The following AGGF1 variants were observed in gnomAD, a reference collection of about 807,000 sequenced individuals.
The protein encoded by AGGF1 is angiogenic factor with G-patch and FHA domains 1.
Under a neutral mutation model 86.5 loss-of-function variants are expected in AGGF1, and 56 were observed. The observed-to-expected ratio is 0.65, with a 90% CI of 0.52 to 0.81. AGGF1 has a LOEUF of 0.81. Ranked by LOEUF, AGGF1 falls within the 30% of genes least tolerant of loss-of-function variation. The pLI is 0.00. For synonymous variants in AGGF1, 313 were observed against 297.1 expected (o/e 1.05, Z -0.55); for missense variants, 816 against 850.9 (o/e 0.96, Z 0.51).
chr5:77,055,035 T>C (rs1747436314), intron 10 of AGGF1, among the ~76,000 whole-genome samples: 1 of 152,198 alleles, frequency 6.6e-6, no homozygotes, highest in African/African-American at 2.4e-5. Flanking sequence ...TAAGAGGTCA[T>C]CTTTTTTGAC....
At chr5:77,048,725 G>A (rs1747318473) in intron 7 of AGGF1, among the ~76,000 whole-genome samples, 1 of 152,224 alleles carries the variant, frequency 6.6e-6, no homozygotes, top group Non-Finnish European at 1.5e-5. Context: ...AGGAAGCACA[G>A]TCTAGGGGGA....
chr5:77,055,588 G>A lies in AGGF1; in HGVS notation c.1708G>A (p.Gly570Ser). The change falls in exon 11 of 14, where the codon GGT (glycine) becomes AGT (serine). Residue 570 changes from glycine to serine, a missense_variant. Gly to Ser is a moderately conservative substitution (Grantham distance 56, BLOSUM62 0). Coordinates refer to ENST00000312916, the MANE Select transcript of AGGF1 (RefSeq NM_018046.5). ...KELKKIRVKY[G>S]LQNTEYEDEK... ...ATTAAAGAAAATACGAGTAAAATAT[G>A]GTTTACAGGTGAGGATGTTGAATAT... 2 of 1,577,432 alleles carry A rather than the reference G, an allele frequency of 1.3e-6. No individual in the cohort carries two copies. The highest frequency in any genetic ancestry group is 1.7e-6 in the Non-Finnish European group (2 of 1,148,554).
intron 9 of AGGF1, 47 bp from the exon 10 acceptor site, chr5:77,053,918 A>G (rs376863168): frequency 3.2e-5 from 51 of 1,580,610 alleles, no homozygotes; most frequent in Non-Finnish European, 4.2e-5. Context: ...TAAGGTAACC[A>G]TAAGTGATTG....
intron 5 of AGGF1, among the ~76,000 whole-genome samples, chr5:77,040,309 C>T (rs7702641): frequency 0.12 from 18,606 of 151,612 alleles, 1,240 homozygotes; most frequent in East Asian, 0.28. Flanking sequence ...CGGGGCTTCT[C>T]CATGTGGTCA....
intron 5 of AGGF1, 90 bp from the exon 6 acceptor site, chr5:77,046,257 G>A (rs1194979591): frequency 3.1e-5 from 35 of 1,117,412 alleles, no homozygotes; most frequent in Non-Finnish European, 4.2e-5. Context: ...ATATCTTCAC[G>A]AATTCGTTGA....
At chr5:77,050,717 A>AAAAAAAAT (rs1561289197) in intron 8 of AGGF1, among the ~76,000 whole-genome samples, 63 of 152,358 alleles carry the variant, frequency 4.1e-4, no homozygotes, top group African/African-American at 1.4e-3. Context: ...TGCTCTTTAT[A>AAAAAAAAT]TGTTAAGAAA....
At chr5:77,051,263 C>T (rs1248250405) in intron 8 of AGGF1, among the ~76,000 whole-genome samples, 2 of 151,984 alleles carry the variant, frequency 1.3e-5, no homozygotes, top group Non-Finnish European at 2.9e-5. Flanking sequence ...GAAACCCCAT[C>T]TCTACTAAAA....
At position 77,048,167 on chromosome 5, in the gene AGGF1, A is replaced by G; in HGVS notation, c.1208A>G (p.Asp403Gly). The G allele has an allele frequency of 6.2e-7, 1 of 1,608,306 alleles. No individual in the cohort carries two copies. Among genetic ancestry groups the G allele is most frequent in the Non-Finnish European group, 8.5e-7 (1 of 1,175,186 alleles). ...TAEDSEDEDE[D>G]KIWPPCIRVI... ...TCACTTCTTTCCTTGGCAGATGAAG[A>G]CAAAATTTGGCCCCCATGTATTAGA... Residue 403 changes from aspartate (D) to glycine (G), a missense_variant, in exon 7 of 14, where the codon GAC (aspartate) becomes GGC (glycine). Physicochemically the swap from Asp to Gly is moderately conservative, Grantham distance 94. Transcript: ENST00000312916.
In AGGF1 at chr5:77,052,732, T is replaced by C. The variant is rs773840709; in HGVS notation, c.1392T>C (p.His464=). ...TTCATGCAGAAATTTATTTTGACCA[T>C]GACTTACAAAGTTATGTCCTTGTGG... ...SKFHAEIYFD[H]DLQSYVLVDQ... The change falls in exon 9 of 14, where the codon CAT becomes CAC. Residue 464 remains histidine (H), a synonymous_variant. Transcript: ENST00000312916. The C allele has an allele frequency of 2.5e-6, 4 of 1,613,596 alleles. No individual in the cohort carries two copies. The South Asian group carries it at 3.3e-5, about 13-fold the overall frequency.
chr5:77,037,765 G>C (rs1428797718), intron 4 of AGGF1, among the ~76,000 whole-genome samples: 3 of 152,160 alleles, frequency 2.0e-5, no homozygotes, highest in Non-Finnish European at 2.9e-5. Flanking sequence ...GACAGAGTGA[G>C]ACCCTGTCTC....
At chr5:77,059,823 A>G in intron 12 of AGGF1, 80 bp downstream of exon 12, 1 of 1,531,014 alleles carries the variant, frequency 6.5e-7, no homozygotes, top group Non-Finnish European at 9.0e-7. Flanking sequence ...TCAGGGCTAT[A>G]TATCCTGATA....
intron 2 of AGGF1, among the ~76,000 whole-genome samples, chr5:77,035,211 AAGTTAAG>A (rs749057570): frequency 2.6e-5 from 4 of 152,196 alleles, no homozygotes; most frequent in East Asian, 1.9e-4. Flanking sequence ...ATCCAGTTAG[AAGTTAAG>A]AGTTAAGTTT....
intron 11 of AGGF1, among the ~76,000 whole-genome samples, chr5:77,057,964 A>AACTTCTAGGAAAGCAAACTAATG (rs1345331748): frequency 6.6e-6 from 1 of 152,192 alleles, no homozygotes; most frequent in African/African-American, 2.4e-5. Flanking sequence ...CATTTATGTA[A>AACTTCTAGGAAAGCAAACTAATG]ACTTCTAGGA....
intron 8 of AGGF1, among the ~76,000 whole-genome samples, chr5:77,052,004 A>G (rs534588974): frequency 6.6e-6 from 1 of 152,314 alleles, no homozygotes; most frequent in Non-Finnish European, 1.5e-5. Context: ...ACTATTGAAC[A>G]TCTTGGAAAC....
In AGGF1 at chr5:77,030,974, C is replaced by G. The variant is rs1285263483; in HGVS notation, c.208C>G (p.Gln70Glu). 13 of 1,611,818 alleles carry G rather than the reference C, an allele frequency of 8.1e-6. No individual in the cohort carries two copies. Among genetic ancestry groups the G allele is most frequent in the Non-Finnish European group, 1.1e-5 (13 of 1,179,926 alleles). Reference sequence around the variant, plus strand: ...AAGCAACAACCAGGAGCTCCGCACGCAGGTGCGCGGTCCTCCTCAGCCCCG... The same window carrying G: ...AAGCAACAACCAGGAGCTCCGCACGGAGGTGCGCGGTCCTCCTCAGCCCCG... ...AESNNQELRT[Q>E]VEELSKILQR... Residue 70 changes from glutamine to glutamate, a missense_variant and splice_region_variant, in exon 1 of 14, where the codon CAG becomes GAG. Around this residue, in one of 3 missense-constraint regions of AGGF1, gnomAD observed 240 missense variants for 234.4 expected, o/e 1.02. Coordinates refer to ENST00000312916, the MANE Select transcript of AGGF1 (RefSeq NM_018046.5).
chr5:77,058,827 T>C (rs1747500817), intron 11 of AGGF1, among the ~76,000 whole-genome samples: 1 of 152,156 alleles, frequency 6.6e-6, no homozygotes, highest in Admixed American at 6.5e-5. Flanking sequence ...CCACACCTTG[T>C]GTATACCTTT....
intron 5 of AGGF1, among the ~76,000 whole-genome samples, chr5:77,044,038 C>T (rs1476227339): frequency 8.5e-6 from 1 of 118,304 alleles, no homozygotes; most frequent in Non-Finnish European, 1.8e-5. Flanking sequence ...TGGGAAGAGA[C>T]GCTCCTCACT....
intron 1 of AGGF1, among the ~76,000 whole-genome samples, chr5:77,033,835 G>A (rs1052237355): frequency 1.3e-5 from 2 of 152,164 alleles, no homozygotes. Context: ...CCACACACTT[G>A]TTTCTCTCTG....
chr5:77,043,965 C>A (rs1274913527), intron 5 of AGGF1, among the ~76,000 whole-genome samples: 1 of 135,632 alleles, frequency 7.4e-6, no homozygotes, highest in African/African-American at 2.8e-5. Context: ...GAGGCGCTCC[C>A]CACATCTCAG....
Sources: gnomAD v4.1 joint callset for allele counts (sites outside exome capture counted in the v4.1 genomes callset) on GRCh38, gnomAD v4.1.1 for gene constraint, gnomAD v4.1.1 regional missense constraint, MANE v1.5 for transcripts, NCBI Gene and HGNC (gene_info 2026-07-23, HGNC 2026-07-21) for gene names.